The following COLEC12 variants were observed in gnomAD, a reference collection of about 807,000 sequenced individuals.
COLEC12 encodes collectin-12.
In COLEC12, 33 loss-of-function variants were observed where a neutral mutation model predicts 71.1. That is an observed-to-expected ratio of 0.46 (90% CI 0.35 to 0.62). The LOEUF (loss-of-function observed/expected upper bound fraction) is 0.62. COLEC12 is among the 20% of genes least tolerant of loss of function. The pLI is 0.00. For missense variants in COLEC12, 765 were observed against 916.1 expected (o/e 0.84, Z 2.13); for synonymous variants, 350 against 353.0 (o/e 0.99, Z 0.10).
chr18:405,930 G>T (rs1384258606), intron 2 of COLEC12, among the ~76,000 whole-genome samples: 3 of 152,092 alleles, frequency 2.0e-5, no homozygotes, highest in Non-Finnish European at 4.4e-5. Context: ...ATTCCTGACG[G>T]TTAAGGACTT....
chr18:459,550 AT>A (rs948339477), intron 2 of COLEC12, among the ~76,000 whole-genome samples: 1 of 152,198 alleles, frequency 6.6e-6, no homozygotes, highest in African/African-American at 2.4e-5. Flanking sequence ...ATTTATGACC[AT>A]TTTTGTCTAC....
At chr18:321,555 G>A in intron 9 of COLEC12, 107 bp downstream of exon 9, 3 of 1,234,434 alleles carry the variant, frequency 2.4e-6, no homozygotes, top group Non-Finnish European at 3.5e-6. Flanking sequence ...AACCAGGGCT[G>A]AAACCTAATT....
chr18:455,276 C>A (rs34941409), intron 2 of COLEC12, among the ~76,000 whole-genome samples: 5 of 143,904 alleles, frequency 3.5e-5, no homozygotes, highest in Non-Finnish European at 7.5e-5. Context: ...TTTTATTTTA[C>A]GCTTTTTTTT....
chr18:464,105 G>A (rs1390106784), intron 2 of COLEC12, among the ~76,000 whole-genome samples: 5 of 152,078 alleles, frequency 3.3e-5, no homozygotes, highest in African/African-American at 1.2e-4. Context: ...CTGCTGCTGC[G>A]CTTCTCCTTT....
intron 2 of COLEC12, among the ~76,000 whole-genome samples, chr18:465,189 G>T (rs531039868): frequency 1.3e-5 from 2 of 152,266 alleles, no homozygotes; most frequent in African/African-American, 4.8e-5. Context: ...TGCAACCTCT[G>T]CCTCCCAGGT....
chr18:410,208 C>T (rs1915866175), intron 2 of COLEC12, among the ~76,000 whole-genome samples: 1 of 152,142 alleles, frequency 6.6e-6, no homozygotes, highest in Non-Finnish European at 1.5e-5. Context: ...AGTGGTGCAG[C>T]ATGTTCATAA....
intron 5 of COLEC12, among the ~76,000 whole-genome samples, chr18:342,231 AT>A: frequency 6.7e-6 from 1 of 149,262 alleles, no homozygotes; most frequent in Non-Finnish European, 1.5e-5. Flanking sequence ...TTAATTTTAT[AT>A]TTTTAAGTAG....
chr18:407,872 G>T (rs995984126), intron 2 of COLEC12, among the ~76,000 whole-genome samples: 2 of 152,212 alleles, frequency 1.3e-5, no homozygotes, highest in African/African-American at 4.8e-5. Context: ...AAAAATAGCT[G>T]CCTGGAGCCC....
intron 2 of COLEC12, among the ~76,000 whole-genome samples, chr18:376,291 TA>T (rs1372586421): frequency 6.6e-6 from 1 of 152,214 alleles, no homozygotes; most frequent in Admixed American, 6.5e-5. Context: ...GCATTCTGTT[TA>T]CTTCCTAACT....
intron 2 of COLEC12, among the ~76,000 whole-genome samples, chr18:394,261 C>T (rs1411876443): frequency 1.3e-5 from 2 of 152,306 alleles, no homozygotes; most frequent in African/African-American, 2.4e-5. Context: ...GGGTGGGAGG[C>T]AACCTGGTAC....
At chr18:372,728 G>T (rs534411743) in intron 2 of COLEC12, among the ~76,000 whole-genome samples, 2 of 152,256 alleles carry the variant, frequency 1.3e-5, no homozygotes, top group South Asian at 4.1e-4. Context: ...AAAGAGTGTT[G>T]TTTAACTGAC....
At chr18:335,278 A>T (rs1914093239) in intron 5 of COLEC12, 48 bp from the exon 6 acceptor site, 1 of 1,533,014 alleles carries the variant, frequency 6.5e-7, no homozygotes, top group African/African-American at 1.4e-5. Flanking sequence ...ACTGTGAATG[A>T]TAGTTATGAA....
In COLEC12 at chr18:389,170, G is replaced by A. The variant is rs575728300; in HGVS notation, c.59-31648C>T. Among the ~76,000 whole-genome samples the A allele has an allele frequency of 2.0e-5, 3 of 149,868 alleles. No individual in the cohort carries two copies. The East Asian group carries it at 5.8e-4, about 29-fold the overall frequency. On this transcript the variant is annotated intron_variant, in intron 2 of 9. Transcript: ENST00000400256. ...TAGAAAATAATTTTTGAAAAGTAGG[G>A]GATATAAAAAAATAAATGTCCATTA...
intron 2 of COLEC12, among the ~76,000 whole-genome samples, chr18:449,522 C>G (rs186355265): frequency 2.6e-5 from 4 of 152,346 alleles, no homozygotes; most frequent in Admixed American, 2.6e-4. Context: ...GCAGCAAACT[C>G]TCTCTCAGGG....
intron 1 of COLEC12, among the ~76,000 whole-genome samples, chr18:497,817 C>T (rs1237718751): frequency 6.6e-6 from 1 of 152,168 alleles, no homozygotes; most frequent in African/African-American, 2.4e-5. Context: ...AATCAGGAAC[C>T]CGGGGAAAAT....
intron 2 of COLEC12, among the ~76,000 whole-genome samples, chr18:389,440 G>C (rs950316557): frequency 6.6e-6 from 1 of 151,640 alleles, no homozygotes; most frequent in South Asian, 2.1e-4. Context: ...CACCATGCTC[G>C]GCTAATTTTT....
chr18:378,998 G>A (rs1285729842), intron 2 of COLEC12, among the ~76,000 whole-genome samples: 3 of 152,220 alleles, frequency 2.0e-5, no homozygotes, highest in South Asian at 4.1e-4. Context: ...CACGCCGGTG[G>A]AAATGCACAG....
rs576385551 is a variant in COLEC12, at chr18:401,116, G to A, written c.59-43594C>T. 3.9e-5 allele frequency among the ~76,000 whole-genome samples: 6 copies of A among 152,276 alleles called. No homozygotes were observed. In the South Asian group the frequency reaches 1.2e-3, roughly 32 times the overall value. ...ATAACAGCATGAGAAGGCAAGGGTG[G>A]AGTGGAAGGTAGACTTTGTCTTCCA... On this transcript the variant is annotated intron_variant, in intron 2 of 9. Coordinates refer to ENST00000400256, the MANE Select transcript of COLEC12 (RefSeq NM_130386.3).
Position 346,344 on chromosome 18 carries a change from T to C in COLEC12, c.1278A>G (p.Leu426=), listed in dbSNP as rs527873147. 32 of 1,614,102 alleles carry C rather than the reference T, an allele frequency of 2.0e-5. No individual in the cohort carries two copies. Among genetic ancestry groups the C allele is most frequent in the African/African-American group, 5.3e-5 (4 of 75,066 alleles). ...NLSVIMEEMK[L]VDSKHGQLIK... ...TGAGCTGACCATGCTTGGAGTCTAC[T>C]AGCTTCATTTCTTCCATAATCACTG... Residue 426 remains leucine (L), a synonymous_variant, in exon 5 of 10, where the codon CTA becomes CTG. Coordinates refer to ENST00000400256, the MANE Select transcript of COLEC12 (RefSeq NM_130386.3). This position sits in a 1 kb window ranked among gnomAD's most constrained non-coding sequence, Gnocchi z 4.0.
Sources: gnomAD v4.1 joint callset for allele counts (sites outside exome capture counted in the v4.1 genomes callset) on GRCh38, gnomAD v4.1.1 for gene constraint, Gnocchi (gnomAD v3.1) non-coding constraint, MANE v1.5 for transcripts, NCBI Gene and HGNC (gene_info 2026-07-23, HGNC 2026-07-21) for gene names.